CMIP: variants seen among roughly 807,000 people sequenced by gnomAD.
The protein encoded by CMIP is c-Maf inducing protein, also known as C-Maf-inducing protein.
CMIP carries 13 observed loss-of-function variants against 97.3 expected under a neutral mutation model. That is an observed-to-expected ratio of 0.13 (90% CI 0.09 to 0.21). The LOEUF is 0.21. CMIP is among the 10% of genes least tolerant of loss of function. The pLI is 1.00. For synonymous variants in CMIP, 538 were observed against 436.3 expected (o/e 1.23, Z -2.91); for missense variants, 847 against 1,024.9 (o/e 0.83, Z 2.37).
intron 1 of CMIP, among the ~76,000 whole-genome samples, chr16:81,604,869 T>C (rs2091716592): frequency 6.6e-6 from 1 of 152,192 alleles, no homozygotes; most frequent in Non-Finnish European, 1.5e-5. Flanking sequence ...TGCTTACAGT[T>C]AAAACACGGA....
At chr16:81,528,575 A>T (rs1053165488) in intron 1 of CMIP, among the ~76,000 whole-genome samples, 4 of 152,190 alleles carry the variant, frequency 2.6e-5, no homozygotes, top group African/African-American at 9.7e-5. Flanking sequence ...AAAATAGTTC[A>T]TTGAGTTTTG....
intron 2 of CMIP, among the ~76,000 whole-genome samples, chr16:81,612,236 A>G (rs1441838070): frequency 6.6e-6 from 1 of 152,226 alleles, no homozygotes; most frequent in African/African-American, 2.4e-5. Context: ...GTGGCTGCCC[A>G]TCAGCAAAAA....
At chr16:81,465,497 G>A (rs1455531931) in intron 1 of CMIP, among the ~76,000 whole-genome samples, 3 of 152,240 alleles carry the variant, frequency 2.0e-5, no homozygotes, top group East Asian at 3.8e-4. Context: ...GACCCCGTAC[G>A]TTTGTTACCA....
chr16:81,607,508 G>A lies in CMIP; in HGVS notation c.301-59G>A, dbSNP rs200626497. On this transcript the variant is annotated intron_variant, in intron 1 of 20. Coordinates refer to ENST00000537098, the MANE Select transcript of CMIP (RefSeq NM_198390.3). ...TGTTTCCAAAACCGTCTGAGATGCG[G>A]ACGTCATGCCTGCTACTGTAACCAA... 75 of 1,591,846 alleles carry A rather than the reference G, an allele frequency of 4.7e-5. 2 individuals carry two copies. The South Asian group carries it at 7.0e-4, about 15-fold the overall frequency.
At chr16:81,688,812 C>A (rs1905719046) in intron 10 of CMIP, among the ~76,000 whole-genome samples, 1 of 152,138 alleles carries the variant, frequency 6.6e-6, no homozygotes, top group Admixed American at 6.6e-5. Flanking sequence ...TCCCTCCTCC[C>A]CCAACCCCAC....
chr16:81,696,233 G>A, intron 13 of CMIP: 1 of 418,206 alleles, frequency 2.4e-6, no homozygotes, highest in Non-Finnish European at 4.4e-6. Context: ...GGGGCTGATT[G>A]TGGGCGGTTG....
At chr16:81,543,889 A>G (rs2090494519) in intron 1 of CMIP, among the ~76,000 whole-genome samples, 1 of 152,206 alleles carries the variant, frequency 6.6e-6, no homozygotes, top group Non-Finnish European at 1.5e-5. Flanking sequence ...TTTCTGTCTA[A>G]AGAAGAGGGT....
intron 1 of CMIP, among the ~76,000 whole-genome samples, chr16:81,510,158 C>A (rs1335895514): frequency 6.6e-6 from 1 of 152,188 alleles, no homozygotes; most frequent in Admixed American, 6.5e-5. Context: ...ACGTCAGCAT[C>A]CTGCTGCGGG....
chr16:81,466,623 T>C (rs985077075), intron 1 of CMIP, among the ~76,000 whole-genome samples: 2 of 152,216 alleles, frequency 1.3e-5, no homozygotes, highest in East Asian at 1.9e-4. Context: ...GAACGGGCCA[T>C]GATTGCATAA....
Position 81,586,862 on chromosome 16 carries a change from C to T in CMIP, c.301-20705C>T, listed in dbSNP as rs1370132968. On this transcript the variant is annotated intron_variant, in intron 1 of 20. Coordinates refer to ENST00000537098, the MANE Select transcript of CMIP (RefSeq NM_198390.3). ...ATGTTAGACAAATGAACCGAGGGGGCATTTGCATGGGTGCTTAAAGTGAGG... is the reference window on the plus strand; with the variant it reads ...ATGTTAGACAAATGAACCGAGGGGGTATTTGCATGGGTGCTTAAAGTGAGG... Among the ~76,000 whole-genome samples, 4 of 152,114 alleles carry T rather than the reference C, an allele frequency of 2.6e-5. No individual in the cohort carries two copies. In the East Asian group the frequency reaches 7.7e-4, roughly 29 times the overall value.
chr16:81,531,129 G>T (rs1031281450), intron 1 of CMIP, among the ~76,000 whole-genome samples: 2 of 136,512 alleles, frequency 1.5e-5, no homozygotes, highest in African/African-American at 5.2e-5. Flanking sequence ...GAGGTCATGC[G>T]GGAGGTCATG....
chr16:81,451,108 A>G (rs1335132787), intron 1 of CMIP, among the ~76,000 whole-genome samples: 1 of 152,032 alleles, frequency 6.6e-6, no homozygotes, highest in Admixed American at 6.6e-5. Flanking sequence ...AGCCTCTTTG[A>G]TATGGTTTGG....
intron 3 of CMIP, chr16:81,630,163 G>A (rs990437066): frequency 2.0e-5 from 3 of 152,232 alleles, no homozygotes; most frequent in Non-Finnish European, 4.4e-5. Context: ...TTCTTACGGG[G>A]ATTAAATGGG....
chr16:81,673,029 G>A (rs377699368), intron 9 of CMIP, among the ~76,000 whole-genome samples: 57 of 152,302 alleles, frequency 3.7e-4, no homozygotes, highest in African/African-American at 1.2e-3. Flanking sequence ...AAGAAAAACC[G>A]TGAGAGCAAT....
At chr16:81,540,704 A>G (rs1426043826) in intron 1 of CMIP, among the ~76,000 whole-genome samples, 1 of 147,734 alleles carries the variant, frequency 6.8e-6, no homozygotes, top group East Asian at 2.0e-4. Flanking sequence ...GTTATGAGAC[A>G]GAGTCTCGGT....
rs754599222 is a variant in CMIP at position 81,696,655 on chromosome 16, G to C, written c.1626G>C (p.Leu542=). Residue 542 remains leucine, a synonymous_variant, in exon 14 of 21, where the codon CTG becomes CTC. Transcript: ENST00000537098. ...GGVACDDDGE[L]FASMVHILMG... is the part of the protein sequence containing the mutation. The stretch of plus-strand genomic sequence containing the variant: ...TGGCCTGCGACGATGACGGGGAGCT[G>C]TTCGCCAGCATGGTACGCAGTGGGA... 6.2e-7 allele frequency: 1 copy of C among 1,606,252 alleles called. No individual in the cohort carries two copies. Among genetic ancestry groups the C allele is most frequent in the South Asian group, 1.1e-5 (1 of 91,052 alleles).
chr16:81,613,142 A>G (rs996548272), intron 2 of CMIP, among the ~76,000 whole-genome samples: 1 of 152,148 alleles, frequency 6.6e-6, no homozygotes, highest in African/African-American at 2.4e-5. Context: ...CCTTGTCCCA[A>G]CCTTTTTGGC....
chr16:81,699,355 C>T (rs146924733), intron 14 of CMIP, among the ~76,000 whole-genome samples: 1,603 of 152,290 alleles, frequency 0.011, 16 homozygotes, highest in Middle Eastern at 0.02. Flanking sequence ...TAGATTTATA[C>T]AAAAGATACC....
chr16:81,570,780 A>G (rs147440673), intron 1 of CMIP, among the ~76,000 whole-genome samples: 154 of 152,106 alleles, frequency 1.0e-3, no homozygotes, highest in African/African-American at 3.6e-3. Flanking sequence ...TCTGTTCCCA[A>G]TCCAAGCCTT....
Sources: gnomAD v4.1 joint callset for allele counts (sites outside exome capture counted in the v4.1 genomes callset) on GRCh38, gnomAD v4.1.1 for gene constraint, MANE v1.5 for transcripts, NCBI Gene and HGNC (gene_info 2026-07-23, HGNC 2026-07-21) for gene names.